The following NUBP2 variants were observed in gnomAD, a reference collection of about 807,000 sequenced individuals.
The protein encoded by NUBP2 is NUBP iron-sulfur cluster assembly factor 2, cytosolic.
In NUBP2, 23 loss-of-function variants were observed where a neutral mutation model predicts 24.9. That is an observed-to-expected ratio of 0.92 (90% CI 0.66 to 1.31). The LOEUF (loss-of-function observed/expected upper bound fraction) is 1.31, where lower values mean the gene tolerates loss of function less well. Among genes scored for constraint, NUBP2 ranks in the 50% most tolerant of loss-of-function variants. The probability of loss-of-function intolerance (pLI) is 0.00; values close to 1 mark genes in which losing one functional copy is unlikely to be tolerated. For synonymous variants in NUBP2, 186 were observed against 170.9 expected (o/e 1.09, Z -0.69); for missense variants, 403 against 386.5 (o/e 1.04, Z -0.36).
intron 1 of NUBP2, chr16:1,784,092 A>G (rs1376221138): frequency 2.4e-5 from 23 of 941,770 alleles, no homozygotes; most frequent in Non-Finnish European, 2.9e-5. Flanking sequence ...AGATTGATAG[A>G]AGCTTTTTTT....
chr16:1,786,798 C>T lies in NUBP2; in HGVS notation c.177C>T (p.Pro59=), dbSNP rs778519869. The T allele has an allele frequency of 1.2e-6, 2 of 1,610,274 alleles. No homozygotes were observed. The highest frequency in any genetic ancestry group is 1.7e-5 in the Admixed American group (1 of 59,870). The change falls in exon 3 of 7, where the codon CCC becomes CCT. Residue 59 remains proline, a synonymous_variant. Coordinates refer to ENST00000262302, the MANE Select transcript of NUBP2 (RefSeq NM_012225.4). ...TGGACCTGTGTGGCCCCAGTATCCC[C>T]CGCATGCTCGGGGCGCAGGGCAGGG... ...LDVDLCGPSI[P]RMLGAQGRAV... is the part of the protein sequence containing the mutation.
chr16:1,786,251 C>T (rs899630714), intron 1 of NUBP2: 6 of 492,552 alleles, frequency 1.2e-5, no homozygotes, highest in African/African-American at 1.9e-5. Context: ...CGCATGCACC[C>T]TTCCACACAG....
rs769308285 is a variant in NUBP2, at chr16:1,787,725, A to G, written c.383A>G (p.Tyr128Cys). 2.5e-6 allele frequency: 4 copies of G among 1,612,546 alleles called. No individual in the cohort carries two copies. Among genetic ancestry groups the G allele is most frequent in the African/African-American group, 1.3e-5 (1 of 74,918 alleles). Residue 128 changes from tyrosine (Y) to cysteine (C), a missense_variant, in exon 4 of 7, where the codon TAC (tyrosine) becomes TGC (cysteine). Tyr to Cys is a radical substitution (Grantham distance 194). Transcript: ENST00000262302. The part of the protein sequence containing the change: ...VSDVAWGELD[Y>C]LVVDTPPGTS... Reference sequence around the variant, plus strand: ...GACGTGGCCTGGGGGGAGCTGGACTACCTGGTGGTGGACACGCCCCCGGGG... The same window carrying G: ...GACGTGGCCTGGGGGGAGCTGGACTGCCTGGTGGTGGACACGCCCCCGGGG...
rs759871974 is a variant in NUBP2, at chr16:1,788,729, C to T, written c.*15C>T. On this transcript the variant is annotated 3_prime_UTR_variant, in exon 7 of 7. Coordinates refer to ENST00000262302, the MANE Select transcript of NUBP2 (RefSeq NM_012225.4). ...GCCTCCCCTGACTAAGGCCACCTTG[C>T]AGCCGCTTTCCAGGGCCACCAAGGG... 13 of 1,602,294 alleles carry T rather than the reference C, an allele frequency of 8.1e-6. No individual in the cohort carries two copies. Among genetic ancestry groups the T allele is most frequent in the African/African-American group, 5.4e-5 (4 of 74,754 alleles).
At chr16:1,784,132 C>T (rs1298996993) in intron 1 of NUBP2, 2 of 758,382 alleles carry the variant, frequency 2.6e-6, no homozygotes, top group Non-Finnish European at 3.2e-6. Context: ...TAACTGTCGC[C>T]AAGGCTGAAG....
chr16:1,784,424 A>G (rs1896865998), intron 1 of NUBP2: 1 of 146,520 alleles, frequency 6.8e-6, no homozygotes, highest in Non-Finnish European at 1.5e-5. Flanking sequence ...GGAGACGGAG[A>G]CTCGCTCCGT....
rs767143434 is a variant in NUBP2 at position 1,786,916 on chromosome 16, C to T, written c.295C>T (p.Pro99Ser). 1.9e-6 allele frequency: 3 copies of T among 1,541,660 alleles called. No individual in the cohort carries two copies. In the Admixed American group the frequency reaches 5.9e-5, roughly 30 times the overall value. The change falls in exon 3 of 7, where the codon CCG becomes TCG. Residue 99 changes from proline (P) to serine (S), a missense_variant. Pro to Ser is a moderately conservative substitution (Grantham distance 74). Coordinates refer to ENST00000262302, the MANE Select transcript of NUBP2 (RefSeq NM_012225.4). ...GTCTGTGGGCTTCCTGCTGGAGAAG[C>T]CGGACGAGGCCGTGGTGTGGAGAGG... ...LMSVGFLLEK[P>S]DEAVVWRGPK...
chr16:1,786,777 C>T lies in NUBP2; in HGVS notation c.156C>T (p.Asp52=), dbSNP rs761786973. ...AGKKVGILDV[D]LCGPSIPRML... is the part of the protein sequence containing the mutation. ...TGCAGGTGGGAATCCTGGATGTGGA[C>T]CTGTGTGGCCCCAGTATCCCCCGCA... Residue 52 remains aspartate (D), a synonymous_variant, in exon 3 of 7, where the codon GAC becomes GAT. Coordinates refer to ENST00000262302, the MANE Select transcript of NUBP2 (RefSeq NM_012225.4). 1 of 1,611,280 alleles carries T rather than the reference C, an allele frequency of 6.2e-7. No homozygotes were observed. The highest frequency in any genetic ancestry group is 8.5e-7 in the Non-Finnish European group (1 of 1,178,964).
Position 1,788,555 on chromosome 16 carries a change from A to G in NUBP2, c.671-14A>G. ...GTGCGGACATGGCGCCACCGCCTCC[A>G]CTGTGCCCTGCAGGCTCCGTGCCCC... is the stretch of plus-strand genomic sequence containing the variant. On this transcript the variant is annotated splice_polypyrimidine_tract_variant and intron_variant, in intron 6 of 6. Transcript: ENST00000262302. The G allele has an allele frequency of 1.3e-6, 2 of 1,594,882 alleles. No individual in the cohort carries two copies. The highest frequency in any genetic ancestry group is 1.7e-6 in the Non-Finnish European group (2 of 1,174,190).
chr16:1,784,309 ACTC>A (rs1366152633), intron 1 of NUBP2, among the ~76,000 whole-genome samples: 1 of 151,454 alleles, frequency 6.6e-6, no homozygotes, highest in Non-Finnish European at 1.5e-5. Context: ...GTGGTGCGGA[ACTC>A]CTCCTGGACC....
At chr16:1,786,350 T>G (rs1896965112) in intron 1 of NUBP2, 187 bp from the exon 2 acceptor site, 2 of 625,686 alleles carry the variant, frequency 3.2e-6, no homozygotes, top group Non-Finnish European at 5.6e-6. Context: ...CCCCCGGGTC[T>G]GGGGCTGCAG....
In NUBP2 at chr16:1,789,045, AC is replaced by A; in HGVS notation, c.*335del. On this transcript the variant is annotated 3_prime_UTR_variant, in exon 7 of 7. Coordinates refer to ENST00000262302, the MANE Select transcript of NUBP2 (RefSeq NM_012225.4). Reference sequence around the variant, plus strand: ...GCGGGACTTCTGCAGTCCTCAGGTGACCCCGGGCCTCCAGCACCCTGGGTCG... The same window carrying A: ...GCGGGACTTCTGCAGTCCTCAGGTGACCCGGGCCTCCAGCACCCTGGGTCG... 3.8e-6 allele frequency: 1 copy of A among 265,808 alleles called. No homozygotes were observed. The highest frequency in any genetic ancestry group is 7.8e-5 in the East Asian group (1 of 12,784). 16.5% of individuals were successfully genotyped at this position (265,808 alleles called of 1,614,324 possible).
At chr16:1,787,127 G>A (rs1346067773) in intron 3 of NUBP2, 172 bp downstream of exon 3, 12 of 594,976 alleles carry the variant, frequency 2.0e-5, no homozygotes, top group African/African-American at 3.7e-5. Flanking sequence ...AGTTGGGTCC[G>A]TGCTGCCACA....
chr16:1,784,432 C>G (rs985896524), intron 1 of NUBP2: 1 of 149,736 alleles, frequency 6.7e-6, no homozygotes, highest in Non-Finnish European at 1.5e-5. Flanking sequence ...AGACTCGCTC[C>G]GTTGCCCAGG....
At position 1,787,840 on chromosome 16, in the gene NUBP2, G is replaced by A. The variant is rs370118859; in HGVS notation, c.489+9G>A. The A allele has an allele frequency of 1.3e-5, 21 of 1,607,886 alleles. No individual in the cohort carries two copies. Among genetic ancestry groups the A allele is most frequent in the Non-Finnish European group, 1.7e-5 (20 of 1,177,798 alleles). On this transcript the variant is annotated intron_variant, in intron 4 of 6. Coordinates refer to ENST00000262302, the MANE Select transcript of NUBP2 (RefSeq NM_012225.4). ...TGGTCACCACGCCCCAGGTAGCGCT[G>A]CGGCACCTTCCCGAGTCCCTGTGGG...
In NUBP2 at chr16:1,786,739, C is replaced by A; in HGVS notation, c.136-18C>A. On this transcript the variant is annotated intron_variant, in intron 2 of 6. Coordinates refer to ENST00000262302, the MANE Select transcript of NUBP2 (RefSeq NM_012225.4). The stretch of plus-strand genomic sequence containing the variant: ...GGCCTGGCGGTGCCCCCGGCCTAGG[C>A]TGTGCCGCTCCTTGCAGGTGGGAAT... The A allele has an allele frequency of 2.5e-6, 4 of 1,611,218 alleles. No individual in the cohort carries two copies. Among genetic ancestry groups the A allele is most frequent in the Non-Finnish European group, 3.4e-6 (4 of 1,178,980 alleles).
intron 3 of NUBP2, 131 bp from the exon 4 acceptor site, chr16:1,787,546 A>AT (rs1295543263): frequency 4.9e-5 from 60 of 1,225,212 alleles, no homozygotes; most frequent in Non-Finnish European, 6.6e-5. Context: ...AGAGCCTGTG[A>AT]TGGAGGCTGG....
chr16:1,787,925 G>A lies in NUBP2; in HGVS notation c.490-16G>A, dbSNP rs746219650. The A allele has an allele frequency of 9.4e-6, 15 of 1,602,506 alleles. No individual in the cohort carries two copies. The highest frequency in any genetic ancestry group is 1.7e-4 in the Middle Eastern group (1 of 5,994). On this transcript the variant is annotated splice_polypyrimidine_tract_variant and intron_variant, in intron 4 of 6. Coordinates refer to ENST00000262302, the MANE Select transcript of NUBP2 (RefSeq NM_012225.4). ...GGTGCGCCTGGCTGACCGTGGCCTC[G>A]GCTCCTGCCCCGCAGGCGGTGTCCG...
At chr16:1,786,453 G>T in intron 1 of NUBP2, 84 bp from the exon 2 acceptor site, 1 of 1,196,526 alleles carries the variant, frequency 8.4e-7, no homozygotes, top group Non-Finnish European at 1.2e-6. Flanking sequence ...CAGAACGTGG[G>T]TGCAAGAGGC....
Sources: allele counts gnomAD v4.1 joint callset (sites outside exome capture counted in the v4.1 genomes callset), GRCh38; gene constraint gnomAD v4.1.1; transcripts MANE v1.5; gene names NCBI Gene and HGNC (gene_info 2026-07-23, HGNC 2026-07-21).